Variants in ALOX12B observed in about 807,000 individuals in gnomAD.
ALOX12B encodes arachidonate 12-lipoxygenase, 12R-type.
A neutral mutation model predicts 78.9 loss-of-function variants in ALOX12B; 47 were observed. That is an observed-to-expected ratio of 0.60 (90% CI 0.47 to 0.76). The LOEUF is 0.76. Among genes scored for constraint, ALOX12B ranks in the 30% least tolerant of loss-of-function variants. The pLI is 0.00. For synonymous variants in ALOX12B, 370 were observed against 374.5 expected, an observed-to-expected ratio of 0.99 and a Z score of 0.14; for missense variants, 805 against 922.6, an observed-to-expected ratio of 0.87 and a Z score of 1.65.
In ALOX12B at chr17:8,080,281, C is replaced by G. The variant is rs757339578; in HGVS notation, c.708G>C (p.Leu236=). The change falls in exon 6 of 15, where the codon CTG becomes CTC. Residue 236 remains leucine (L), a synonymous_variant. Transcript: ENST00000647874. This position sits in a 1 kb window ranked among gnomAD's most constrained non-coding sequence, Gnocchi z 4.8. ...LLDCKHSWKR[L]KDIRKIFPGK... The stretch of plus-strand genomic sequence containing the variant: ...CAGGGAAAATTTTCCTAATGTCCTT[C>G]AGCCTCTTCCACGAATGTTTGCAGT... 6.2e-7 allele frequency: 1 copy of G among 1,614,244 alleles called. No homozygotes were observed. The highest frequency in any genetic ancestry group is 1.1e-5 in the South Asian group (1 of 91,092).
chr17:8,073,539 G>C, intron 13 of ALOX12B, 118 bp downstream of exon 13: 2 of 1,126,150 alleles, frequency 1.8e-6, no homozygotes, highest in Non-Finnish European at 2.6e-6. Context: ...GTTGAAGCTG[G>C]AACAAGTTGA....
At position 8,080,374 on chromosome 17, in the gene ALOX12B, G is replaced by A. The variant is rs754076417; in HGVS notation, c.651-36C>T. On this transcript the variant is annotated intron_variant, in intron 5 of 14. Transcript: ENST00000647874. This position sits in a 1 kb window ranked among gnomAD's most constrained non-coding sequence, Gnocchi z 4.8. ...GGATTCCAGGAAGAGGCCTTCAGAG[G>A]GGCTGCCAAGCGCCGGCTGGGGCAG... 1.2e-6 allele frequency: 2 copies of A among 1,610,246 alleles called. No homozygotes were observed. Among genetic ancestry groups the A allele is most frequent in the Non-Finnish European group, 8.5e-7 (1 of 1,176,568 alleles).
rs572017405 is a variant in ALOX12B at position 8,078,986 on chromosome 17, T to A, written c.1071+410A>T. On this transcript the variant is annotated intron_variant, in intron 8 of 14. Coordinates refer to ENST00000647874, the MANE Select transcript of ALOX12B (RefSeq NM_001139.3). ...GATCTAGGCTCACTGCAAGCTCCGC[T>A]TCCTGGGTTCACGCCATTTTCCTGC... Among the ~76,000 whole-genome samples the A allele has an allele frequency of 1.1e-4, 16 of 150,736 alleles. No homozygotes were observed. The South Asian group carries it at 2.9e-3, about 28-fold the overall frequency.
rs775841138 is a variant in ALOX12B at position 8,075,733 on chromosome 17, G to A, written c.1533-17C>T. ...GTCACATACCTGACCAGGGGACAGG[G>A]CCTCAGTTTGGATCCTCCTCCCCTC... On this transcript the variant is annotated splice_polypyrimidine_tract_variant and intron_variant, in intron 11 of 14. Transcript: ENST00000647874. 6.2e-7 allele frequency: 1 copy of A among 1,613,986 alleles called. No homozygotes were observed. The highest frequency in any genetic ancestry group is 8.5e-7 in the Non-Finnish European group (1 of 1,180,012).
chr17:8,078,523 CA>C (rs1432910737), intron 8 of ALOX12B, among the ~76,000 whole-genome samples: 4 of 151,986 alleles, frequency 2.6e-5, no homozygotes, highest in Non-Finnish European at 5.9e-5. Context: ...GTAGTCCCAG[CA>C]CTTTGGGAGG....
At chr17:8,083,287 C>A (rs892039899) in intron 2 of ALOX12B, among the ~76,000 whole-genome samples, 3 of 152,042 alleles carry the variant, frequency 2.0e-5, no homozygotes, top group Admixed American at 6.5e-5. Context: ...TTTCAAAGCA[C>A]CCCTGGAATC....
chr17:8,075,725 G>A lies in ALOX12B; in HGVS notation c.1533-9C>T, dbSNP rs777904890. 6 of 1,614,000 alleles carry A rather than the reference G, an allele frequency of 3.7e-6. No homozygotes were observed. The African/African-American group carries it at 5.3e-5, about 14-fold the overall frequency. On this transcript the variant is annotated splice_polypyrimidine_tract_variant and intron_variant, in intron 11 of 14. Coordinates refer to ENST00000647874, the MANE Select transcript of ALOX12B (RefSeq NM_001139.3). ...TGATCTCCGTCACATACCTGACCAG[G>A]GGACAGGGCCTCAGTTTGGATCCTC... is the stretch of plus-strand genomic sequence containing the variant.
chr17:8,085,690 G>A (rs3027301), intron 2 of ALOX12B, among the ~76,000 whole-genome samples: 62,268 of 152,064 alleles, frequency 0.41, 13,241 homozygotes, highest in Admixed American at 0.5. Context: ...TATTTTTAAC[G>A]TGGCCGGGCA....
intron 13 of ALOX12B, 140 bp downstream of exon 13, chr17:8,073,517 G>A: frequency 2.8e-6 from 3 of 1,058,932 alleles, no homozygotes; most frequent in Non-Finnish European, 2.8e-6. Context: ...CTCGGTTTCC[G>A]TTGGGACTGG....
chr17:8,073,005 C>T, intron 14 of ALOX12B, 55 bp from the exon 15 acceptor site: 2 of 1,595,336 alleles, frequency 1.3e-6, no homozygotes, highest in Non-Finnish European at 1.7e-6. Flanking sequence ...CCCCCTCCTC[C>T]TGCCGGTGGC....
rs143164748 is a variant in ALOX12B at position 8,072,822 on chromosome 17, G to A, written c.2055C>T (p.Ile685=). Residue 685 remains isoleucine (I), a synonymous_variant, in exon 15 of 15, where the codon ATC becomes ATT. Transcript: ENST00000647874. ...DIRQRNKCLP[I]PYYYLDPVLI... ...GCACCGGGTCCAGGTAGTAGTAGGG[G>A]ATGGGAAGGCACTTGTTGCGCTGGC... 13 of 1,614,140 alleles carry A rather than the reference G, an allele frequency of 8.1e-6. No individual in the cohort carries two copies. The African/African-American group carries it at 1.6e-4, about 20-fold the overall frequency.
chr17:8,077,186 T>C lies in ALOX12B; in HGVS notation c.1079A>G (p.Gln360Arg), dbSNP rs1977105526. The change falls in exon 9 of 15, where the codon CAG becomes CGG. Residue 360 changes from glutamine to arginine, a missense_variant. By Grantham distance (43) the Gln-to-Arg change is conservative. Transcript: ENST00000647874. ...GATGGGGCAATCTGGCCCAGGGGTCTGGCTGAGCTAGGTGTGGTGAAAGAG... is the reference window on the plus strand; with the variant it reads ...GATGGGGCAATCTGGCCCAGGGGTCCGGCTGAGCTAGGTGTGGTGAAAGAG... Reference protein sequence around the residue: ...KMMPIAIQLSQTPGPDCPIFL... With the variant: ...KMMPIAIQLSRTPGPDCPIFL... The C allele has an allele frequency of 1.9e-6, 3 of 1,611,608 alleles. No homozygotes were observed. The highest frequency in any genetic ancestry group is 2.5e-6 in the Non-Finnish European group (3 of 1,179,040).
chr17:8,074,176 G>A (rs769133075), intron 12 of ALOX12B, among the ~76,000 whole-genome samples: 1 of 151,944 alleles, frequency 6.6e-6, no homozygotes, highest in African/African-American at 2.4e-5. Flanking sequence ...CAGACTCTGT[G>A]CCCACTCCAG....
chr17:8,087,227 G>GACACAC (rs1163288896), intron 1 of ALOX12B, 69 bp downstream of exon 1: 1 of 1,405,790 alleles, frequency 7.1e-7, no homozygotes, highest in African/African-American at 1.6e-5. Context: ...GACACACACA[G>GACACAC]ACACACACAG....
Position 8,087,532 on chromosome 17 carries a change from C to T in ALOX12B, c.-90G>A. On this transcript the variant is annotated 5_prime_UTR_variant, in exon 1 of 15. Transcript: ENST00000647874. ...CCCAAGGCAGGCAAGAGAAGCCAGG[C>T]ACAGAGTGGAGTGGACAGGGCTGGC... The T allele has an allele frequency of 1.3e-6, 2 of 1,599,476 alleles. No homozygotes were observed. The highest frequency in any genetic ancestry group is 1.3e-5 in the African/African-American group (1 of 74,864).
chr17:8,075,212 G>A (rs1977055731), intron 12 of ALOX12B, among the ~76,000 whole-genome samples: 1 of 152,164 alleles, frequency 6.6e-6, no homozygotes, highest in Non-Finnish European at 1.5e-5. Context: ...GGACCTCAGG[G>A]CGCTTTCACC....
intron 8 of ALOX12B, among the ~76,000 whole-genome samples, chr17:8,078,416 TG>T (rs113977378): frequency 1 from 151,688 of 151,688 alleles, 75,844 homozygotes; most frequent in Non-Finnish European, 1. Context: ...CCCAAAGTGC[TG>T]GGGATTACAG....
Position 8,080,654 on chromosome 17 carries a change from T to A in ALOX12B, c.650+4A>T. 1 of 1,614,038 alleles carries A rather than the reference T, an allele frequency of 6.2e-7. No homozygotes were observed. On this transcript the variant is annotated splice_donor_region_variant and intron_variant, in intron 5 of 14. Transcript: ENST00000647874. This position sits in a 1 kb window ranked among gnomAD's most constrained non-coding sequence, Gnocchi z 4.8. The stretch of plus-strand genomic sequence containing the variant: ...TCGTTCTCCCGTCACTCACACGGAC[T>A]CACATGGGCCCCAGGCGGACGAAGA...
intron 10 of ALOX12B, 36 bp from the exon 11 acceptor site, chr17:8,076,380 G>T (rs752799971): frequency 6.4e-6 from 10 of 1,562,570 alleles, no homozygotes; most frequent in Middle Eastern, 1.7e-4. Context: ...AGCCGGACAG[G>T]CATCCCTGGA....
Sources: allele counts gnomAD v4.1 joint callset (sites outside exome capture counted in the v4.1 genomes callset), GRCh38; gene constraint gnomAD v4.1.1; non-coding constraint Gnocchi (gnomAD v3.1); transcripts MANE v1.5; gene names NCBI Gene and HGNC (gene_info 2026-07-23, HGNC 2026-07-21).